The following CNBD1 variants were observed in gnomAD, a reference collection of about 807,000 sequenced individuals.
The protein encoded by CNBD1 is cyclic nucleotide-binding domain-containing protein 1.
CNBD1 carries 71 observed loss-of-function variants against 54.4 expected under a neutral mutation model. That is an observed-to-expected ratio of 1.30 (90% CI 1.08 to 1.59). CNBD1 has a LOEUF of 1.59. CNBD1 is among the 40% of genes most tolerant of loss of function. CNBD1 has a pLI of 0.00. For missense variants in CNBD1, 659 were observed against 518.0 expected (o/e 1.27, Z -2.64); for synonymous variants, 182 against 170.7 (o/e 1.07, Z -0.51).
chr8:87,341,038 G>A (rs913392964), intron 8 of CNBD1, among the ~76,000 whole-genome samples: 1 of 152,038 alleles, frequency 6.6e-6, no homozygotes, highest in Admixed American at 6.6e-5. Flanking sequence ...TTCATACAGG[G>A]AAGGACTTTT....
rs187327199 is a variant in CNBD1, at chr8:87,340,689, G to T, written c.1043-10996G>T. 7.9e-5 allele frequency among the ~76,000 whole-genome samples: 12 copies of T among 151,752 alleles called. 1 individual carries two copies. Among genetic ancestry groups the T allele is most frequent in the Middle Eastern group, 3.4e-3 (1 of 290 alleles). On this transcript the variant is annotated intron_variant, in intron 8 of 10. Transcript: ENST00000518476. ...TATCTTCAAGTTCACTGATTAATTTGCTTTATAAAGTCTGCTGTTAATCCC... is the reference window on the plus strand; with the variant it reads ...TATCTTCAAGTTCACTGATTAATTTTCTTTATAAAGTCTGCTGTTAATCCC...
chr8:87,054,484 C>T (rs555781817), intron 4 of CNBD1, among the ~76,000 whole-genome samples: 9 of 152,266 alleles, frequency 5.9e-5, no homozygotes, highest in Non-Finnish European at 1.3e-4. Context: ...TCAAGAAAAT[C>T]ACAGAGACAG....
Position 87,087,230 on chromosome 8 carries a change from C to CACACAT in CNBD1, c.432-118761_432-118756dup, listed in dbSNP as rs1201390481. On this transcript the variant is annotated intron_variant, in intron 4 of 10. Coordinates refer to ENST00000518476, the MANE Select transcript of CNBD1 (RefSeq NM_173538.3). ...CTCCCCAGTATCTATTCTACACACA[C>CACACAT]ACACATATATATATACGTATATATA... is the stretch of plus-strand genomic sequence containing the variant. Among the ~76,000 whole-genome samples, 35 of 141,132 alleles carry CACACAT rather than the reference C, an allele frequency of 2.5e-4. No individual in the cohort carries two copies. The East Asian group carries it at 6.9e-3, about 28-fold the overall frequency. The allele number at this position is 141,132 out of a possible 152,430, so 92.6% of individuals were successfully genotyped here. A position where few individuals can be genotyped will look rare whatever the true frequency, so the allele number is the denominator to read the frequency against.
At chr8:87,085,468 CTTTG>C (rs1462431550) in intron 4 of CNBD1, among the ~76,000 whole-genome samples, 2 of 151,952 alleles carry the variant, frequency 1.3e-5, no homozygotes, top group Non-Finnish European at 1.5e-5. Flanking sequence ...TAATTTCTCT[CTTTG>C]TTCAGTTTTT....
At chr8:86,909,469 T>A (rs1005613753) in intron 3 of CNBD1, among the ~76,000 whole-genome samples, 1 of 152,224 alleles carries the variant, frequency 6.6e-6, no homozygotes, top group African/African-American at 2.4e-5. Flanking sequence ...AGTTTACATT[T>A]TTTAAATGTA....
chr8:86,918,855 C>T (rs1809227680), intron 3 of CNBD1, among the ~76,000 whole-genome samples: 1 of 151,088 alleles, frequency 6.6e-6, no homozygotes, highest in African/African-American at 2.4e-5. Flanking sequence ...GTAGGCATCA[C>T]CCACATAGTG....
intron 6 of CNBD1, among the ~76,000 whole-genome samples, chr8:87,245,804 A>G (rs1027426350): frequency 2.0e-5 from 3 of 152,030 alleles, no homozygotes; most frequent in African/African-American, 7.2e-5. Context: ...TGTTGCAAAT[A>G]TGATTTTTAA....
At chr8:86,998,078 T>G (rs1808915291) in intron 4 of CNBD1, among the ~76,000 whole-genome samples, 1 of 152,174 alleles carries the variant, frequency 6.6e-6, no homozygotes, top group Non-Finnish European at 1.5e-5. Flanking sequence ...TTGATTCTTG[T>G]TACTTGCAAC....
chr8:86,889,530 A>G (rs780187300), intron 2 of CNBD1, among the ~76,000 whole-genome samples: 1 of 152,148 alleles, frequency 6.6e-6, no homozygotes, highest in African/African-American at 2.4e-5. Context: ...AAATGATTCA[A>G]GGTTTTAAAT....
intron 8 of CNBD1, among the ~76,000 whole-genome samples, chr8:87,320,980 G>C (rs191032216): frequency 2.3e-4 from 35 of 152,098 alleles, no homozygotes; most frequent in African/African-American, 7.7e-4. Flanking sequence ...CCTGTGACTG[G>C]CTTATTTCAC....
chr8:87,107,902 C>T (rs1271055202), intron 4 of CNBD1, among the ~76,000 whole-genome samples: 1 of 152,200 alleles, frequency 6.6e-6, no homozygotes, highest in East Asian at 1.9e-4. Context: ...CCCTTAAAGT[C>T]TACCTGTTAT....
rs1253409692 is a variant in CNBD1 at position 87,155,971 on chromosome 8, C to A, written c.432-50022C>A. Among the ~76,000 whole-genome samples, 5 of 152,072 alleles carry A rather than the reference C, an allele frequency of 3.3e-5. No homozygotes were observed. The East Asian group carries it at 9.7e-4, about 29-fold the overall frequency. ...GTGAGCACTATTACACTATTATCAT[C>A]ACTTTCCAAATGAAACTTGGGAAAA... is the stretch of plus-strand genomic sequence containing the variant. On this transcript the variant is annotated intron_variant, in intron 4 of 10. Transcript: ENST00000518476.
intron 5 of CNBD1, among the ~76,000 whole-genome samples, chr8:87,210,476 C>T (rs1332788962): frequency 6.6e-6 from 1 of 152,156 alleles, no homozygotes; most frequent in Non-Finnish European, 1.5e-5. Context: ...GGTAGACACT[C>T]CTATGATAGG....
intron 5 of CNBD1, among the ~76,000 whole-genome samples, chr8:87,223,812 G>T (rs535087296): frequency 6.6e-6 from 1 of 152,090 alleles, no homozygotes; most frequent in South Asian, 2.1e-4. Context: ...CTGAGGAATC[G>T]CCACACTGAC....
intron 4 of CNBD1, among the ~76,000 whole-genome samples, chr8:87,138,906 C>T (rs1341402591): frequency 6.6e-6 from 1 of 152,164 alleles, no homozygotes; most frequent in Non-Finnish European, 1.5e-5. Context: ...GGCAAATTAA[C>T]TATGATATAT....
intron 2 of CNBD1, among the ~76,000 whole-genome samples, chr8:87,424,554 A>G (rs1243023918): frequency 6.6e-6 from 1 of 152,192 alleles, no homozygotes; most frequent in Admixed American, 6.5e-5. Context: ...ATTCAGGAGC[A>G]GGTTGTTCAG....
intron 10 of CNBD1, among the ~76,000 whole-genome samples, chr8:87,372,835 A>G (rs1033202732): frequency 2.0e-5 from 3 of 151,772 alleles, no homozygotes; most frequent in African/African-American, 7.2e-5. Flanking sequence ...CTTCCTTTTT[A>G]TAGATGGTAT....
chr8:87,269,190 T>C (rs761010897), intron 6 of CNBD1, among the ~76,000 whole-genome samples: 54 of 152,044 alleles, frequency 3.6e-4, no homozygotes, highest in Non-Finnish European at 2.9e-4. Flanking sequence ...GTCCTTTCCC[T>C]ATAGTTTGTT....
chr8:87,169,649 A>G (rs1489448441), intron 4 of CNBD1, among the ~76,000 whole-genome samples: 3 of 152,048 alleles, frequency 2.0e-5, no homozygotes. Context: ...TCCCAACACC[A>G]TTTATTGAAG....
Sources: allele counts gnomAD v4.1 joint callset (sites outside exome capture counted in the v4.1 genomes callset), GRCh38; gene constraint gnomAD v4.1.1; transcripts MANE v1.5; gene names NCBI Gene and HGNC (gene_info 2026-07-23, HGNC 2026-07-21).